Variants in KDM4C observed in about 807,000 individuals in gnomAD.
The protein encoded by KDM4C is lysine-specific demethylase 4C.
In KDM4C, 81 loss-of-function variants were observed where a neutral mutation model predicts 129.3. That is an observed-to-expected ratio of 0.63 (90% CI 0.52 to 0.75). KDM4C has a LOEUF of 0.75. Among genes scored for constraint, KDM4C ranks in the 30% least tolerant of loss-of-function variants. KDM4C has a pLI of 0.00. For missense variants in KDM4C, 1,457 were observed against 1,304.0 expected, an observed-to-expected ratio of 1.12 and a Z score of -1.81; for synonymous variants, 573 against 456.1, an observed-to-expected ratio of 1.26 and a Z score of -3.26.
chr9:7,118,871 C>T (rs1255451824), intron 18 of KDM4C, among the ~76,000 whole-genome samples: 1 of 152,144 alleles, frequency 6.6e-6, no homozygotes, highest in Non-Finnish European at 1.5e-5. Context: ...ATGGGTGACC[C>T]TCCTTCCAGA....
At chr9:6,859,085 G>T (rs1840451875) in intron 5 of KDM4C, among the ~76,000 whole-genome samples, 1 of 152,070 alleles carries the variant, frequency 6.6e-6, no homozygotes, top group African/African-American at 2.4e-5. Flanking sequence ...AGTTAGTAGG[G>T]TTTGAACAAG....
At chr9:6,858,281 A>G (rs147379255) in intron 5 of KDM4C, among the ~76,000 whole-genome samples, 1,595 of 152,106 alleles carry the variant, frequency 0.01, 34 homozygotes, top group African/African-American at 0.036. Context: ...ACTGCTCAGT[A>G]AGGGCGTGTA....
At chr9:6,927,417 A>T (rs1271795853) in intron 8 of KDM4C, among the ~76,000 whole-genome samples, 1 of 152,208 alleles carries the variant, frequency 6.6e-6, no homozygotes, top group Non-Finnish European at 1.5e-5. Context: ...GGTGTGAGCT[A>T]CTGCGCCCAG....
rs781006804 is a variant in KDM4C, at chr9:6,788,705, A to G, written c.-17-4267A>G. ...GGGCTTAAAGAGGTGGCGAGCCGGC[A>G]TTTCCCTGGAGGAGCTGATGGCTCA... On this transcript the variant is annotated intron_variant, in intron 1 of 21. Transcript: ENST00000381309. Among the ~76,000 whole-genome samples the G allele has an allele frequency of 8.3e-4, 127 of 152,136 alleles. 1 individual carries two copies. The highest frequency in any genetic ancestry group is 2.2e-4 in the Non-Finnish European group (15 of 68,036).
At chr9:6,908,182 G>A (rs533628397) in intron 8 of KDM4C, among the ~76,000 whole-genome samples, 1 of 152,314 alleles carries the variant, frequency 6.6e-6, no homozygotes, top group South Asian at 2.1e-4. Context: ...CTTTACATTA[G>A]TTGTTTCTTA....
At chr9:7,095,239 T>C (rs1448704971) in intron 17 of KDM4C, among the ~76,000 whole-genome samples, 8 of 152,184 alleles carry the variant, frequency 5.3e-5, no homozygotes, top group Non-Finnish European at 8.8e-5. Context: ...TCAGTAAACA[T>C]ACATGAAACA....
intron 7 of KDM4C, among the ~76,000 whole-genome samples, chr9:6,890,466 A>G (rs752246880): frequency 6.6e-6 from 1 of 152,180 alleles, no homozygotes; most frequent in Non-Finnish European, 1.5e-5. Flanking sequence ...CCATATTCAT[A>G]CATATGTATG....
intron 8 of KDM4C, among the ~76,000 whole-genome samples, chr9:6,959,245 G>A (rs1468476405): frequency 1.3e-5 from 2 of 152,128 alleles, no homozygotes; most frequent in African/African-American, 4.8e-5. Context: ...TCCCCATGCT[G>A]GTCCCACCAT....
chr9:6,946,693 C>G (rs1057381204), intron 8 of KDM4C, among the ~76,000 whole-genome samples: 2 of 152,056 alleles, frequency 1.3e-5, no homozygotes, highest in African/African-American at 4.8e-5. Context: ...TGAATATACT[C>G]TGAGTTTATA....
chr9:7,022,844 G>C (rs534473585), intron 15 of KDM4C, among the ~76,000 whole-genome samples: 1 of 151,964 alleles, frequency 6.6e-6, no homozygotes, highest in East Asian at 1.9e-4. Context: ...AGTTTTTTGA[G>C]GGTTTTCATG....
intron 9 of KDM4C, among the ~76,000 whole-genome samples, chr9:6,983,130 C>T (rs1263253635): frequency 6.6e-6 from 1 of 152,166 alleles, no homozygotes; most frequent in Non-Finnish European, 1.5e-5. Flanking sequence ...CATACTACTG[C>T]AGTTACTGCC....
intron 1 of KDM4C, among the ~76,000 whole-genome samples, chr9:6,742,030 T>C (rs547213587): frequency 1.3e-3 from 199 of 152,120 alleles, no homozygotes; most frequent in African/African-American, 4.5e-3. Flanking sequence ...TGAAGTGCAG[T>C]GGAGTGATCT....
chr9:6,869,986 A>G (rs925981900), intron 5 of KDM4C, among the ~76,000 whole-genome samples: 6 of 152,242 alleles, frequency 3.9e-5, no homozygotes, highest in African/African-American at 1.4e-4. Context: ...TAATGTGAAA[A>G]TGTAACATAG....
rs182047193 is a variant in KDM4C, at chr9:7,160,508, G to A, written c.2782-4730G>A. ...TTGATGTTGGTGACCTACAGATCGG[G>A]TTTTGGCGTGGATGTCTTTTTTGTC... On this transcript the variant is annotated intron_variant, in intron 19 of 21. Coordinates refer to ENST00000381309, the MANE Select transcript of KDM4C (RefSeq NM_015061.6). Among the ~76,000 whole-genome samples the A allele has an allele frequency of 3.3e-5, 5 of 152,240 alleles. No individual in the cohort carries two copies. In the East Asian group the frequency reaches 9.7e-4, roughly 29 times the overall value.
chr9:7,162,056 T>A (rs1843854649), intron 19 of KDM4C, among the ~76,000 whole-genome samples: 1 of 152,236 alleles, frequency 6.6e-6, no homozygotes, highest in African/African-American at 2.4e-5. Context: ...ACATACTAAA[T>A]AAAGTTATAT....
At chr9:6,780,975 A>G (rs755048086) in intron 1 of KDM4C, among the ~76,000 whole-genome samples, 5 of 151,756 alleles carry the variant, frequency 3.3e-5, no homozygotes, top group Admixed American at 1.3e-4. Context: ...TCTTGATTCT[A>G]CTTTTCTCTG....
chr9:7,040,863 T>G (rs1342936552), intron 15 of KDM4C, among the ~76,000 whole-genome samples: 1 of 151,978 alleles, frequency 6.6e-6, no homozygotes, highest in African/African-American at 2.4e-5. Context: ...CCAGGTATGT[T>G]TTATTTATAT....
At chr9:6,800,799 G>A (rs1357082950) in intron 2 of KDM4C, among the ~76,000 whole-genome samples, 1 of 151,884 alleles carries the variant, frequency 6.6e-6, no homozygotes, top group African/African-American at 2.4e-5. Flanking sequence ...GCTAATTTTT[G>A]TATTTTTTTG....
At chr9:6,732,072 A>G (rs1255215906) in intron 1 of KDM4C, among the ~76,000 whole-genome samples, 3 of 152,210 alleles carry the variant, frequency 2.0e-5, no homozygotes, top group African/African-American at 7.2e-5. Flanking sequence ...AAATAGATCA[A>G]AGAATGAGGC....
Sources: gnomAD v4.1 joint callset for allele counts (sites outside exome capture counted in the v4.1 genomes callset) on GRCh38, gnomAD v4.1.1 for gene constraint, MANE v1.5 for transcripts, NCBI Gene and HGNC (gene_info 2026-07-23, HGNC 2026-07-21) for gene names.